The following FBN1 variants were observed in gnomAD, a reference collection of about 807,000 sequenced individuals.
FBN1 encodes the protein fibrillin-1.
In FBN1, 29 loss-of-function variants were observed where a neutral mutation model predicts 365.1. That is an observed-to-expected ratio of 0.08 (90% CI 0.06 to 0.11). FBN1 has a LOEUF of 0.11. FBN1 is among the 10% of genes least tolerant of loss of function. The probability of loss-of-function intolerance (pLI) is 1.00; values close to 1 mark genes in which losing one functional copy is unlikely to be tolerated. For missense variants in FBN1, 2,476 were observed against 3,703.2 expected (o/e 0.67, Z 8.60); for synonymous variants, 1,210 against 1,270.5 (o/e 0.95, Z 1.01).
In FBN1 at chr15:48,463,253, T is replaced by A. The variant is rs1167489368; in HGVS notation, c.5066-13A>T. The A allele has an allele frequency of 6.2e-7, 1 of 1,609,892 alleles. No homozygotes were observed. The highest frequency in any genetic ancestry group is 8.5e-7 in the Non-Finnish European group (1 of 1,177,032). ...CTTCTTCTCATATCTAGAAGGGAGGTAAAAAAAAGGATTGGAGGGTTGGTG... is the reference window on the plus strand; with the variant it reads ...CTTCTTCTCATATCTAGAAGGGAGGAAAAAAAAAGGATTGGAGGGTTGGTG... On this transcript the variant is annotated splice_polypyrimidine_tract_variant and intron_variant, in intron 41 of 65. Coordinates refer to ENST00000316623, the MANE Select transcript of FBN1 (RefSeq NM_000138.5).
intron 6 of FBN1, 128 bp from the exon 7 acceptor site, chr15:48,537,936 C>G (rs2044027712): frequency 3.1e-6 from 3 of 957,286 alleles, no homozygotes; most frequent in Non-Finnish European, 4.9e-6. Flanking sequence ...AATCATGCAT[C>G]ACTGTCCCTG....
At chr15:48,512,816 T>C (rs930964233) in intron 13 of FBN1, among the ~76,000 whole-genome samples, 2 of 152,140 alleles carry the variant, frequency 1.3e-5, no homozygotes, top group African/African-American at 4.8e-5. Context: ...ATTTTGTGCT[T>C]AATTTAGAGA....
intron 36 of FBN1, among the ~76,000 whole-genome samples, chr15:48,469,076 A>AT (rs2043346603): frequency 1.8e-5 from 2 of 109,776 alleles, no homozygotes; most frequent in South Asian, 2.9e-4. Flanking sequence ...TCAAAAAAAA[A>AT]AAAATATATA....
chr15:48,564,051 T>C (rs2044242685), intron 6 of FBN1, among the ~76,000 whole-genome samples: 1 of 152,170 alleles, frequency 6.6e-6, no homozygotes, highest in African/African-American at 2.4e-5. Context: ...TCCAAGCATC[T>C]GGATCCTTTT....
In FBN1 at chr15:48,513,631, A is replaced by T; in HGVS notation, c.1506T>A (p.Gly502=). 1.2e-6 allele frequency: 2 copies of T among 1,614,018 alleles called. No individual in the cohort carries two copies. Among genetic ancestry groups the T allele is most frequent in the South Asian group, 2.2e-5 (2 of 91,086 alleles). ...ACGAACCCTGGTTGTTAATACACTC[A>T]CCACCAGCACAGGGGTTTTTCTCAC... ...DECEKNPCAG[G]ECINNQGSYT... is the part of the protein sequence containing the mutation. Residue 502 remains glycine (G), a synonymous_variant, in exon 13 of 66, where the codon GGT becomes GGA. Coordinates refer to ENST00000316623, the MANE Select transcript of FBN1 (RefSeq NM_000138.5).
intron 30 of FBN1, among the ~76,000 whole-genome samples, chr15:48,484,225 T>C (rs1378349081): frequency 2.0e-5 from 3 of 152,234 alleles, no homozygotes; most frequent in Non-Finnish European, 4.4e-5. Flanking sequence ...TAATTTATCA[T>C]TCAAAAATTA....
chr15:48,529,653 C>G (rs1370149542), intron 8 of FBN1: 1 of 152,218 alleles, frequency 6.6e-6, no homozygotes, highest in Non-Finnish European at 1.5e-5. Context: ...AAAACTGTGG[C>G]AGCTGTTTAA....
chr15:48,578,050 A>G (rs142771457), intron 6 of FBN1, among the ~76,000 whole-genome samples: 2 of 152,330 alleles, frequency 1.3e-5, no homozygotes, highest in African/African-American at 4.8e-5. Flanking sequence ...CTACAAAAAA[A>G]AAATTGAAGA....
rs55681494 is a variant in FBN1 at position 48,463,522 on chromosome 15, T to C, written c.5066-282A>G. The stretch of plus-strand genomic sequence containing the variant: ...AAACTTTAAATGACTCTCTGCCCAG[T>C]CTCCTAGTAACAATTCCCTACTGCC... On this transcript the variant is annotated intron_variant, in intron 41 of 65. Coordinates refer to ENST00000316623, the MANE Select transcript of FBN1 (RefSeq NM_000138.5). Among the ~76,000 whole-genome samples, 7,197 of 152,304 alleles carry C rather than the reference T, an allele frequency of 0.047. 229 individuals are homozygous for C. The highest frequency in any genetic ancestry group is 0.095 in the Middle Eastern group (28 of 294).
intron 33 of FBN1, 38 bp from the exon 34 acceptor site, chr15:48,474,415 G>A (rs1470039577): frequency 6.2e-7 from 1 of 1,613,452 alleles, no homozygotes; most frequent in Non-Finnish European, 8.5e-7. Context: ...AACAGAAAGG[G>A]TGGTATTTAA....
At chr15:48,431,820 A>AT (rs1443010634) in intron 55 of FBN1, among the ~76,000 whole-genome samples, 1 of 151,508 alleles carries the variant, frequency 6.6e-6, no homozygotes, top group Non-Finnish European at 1.5e-5. Context: ...ACGCCAGCTA[A>AT]TTTTTTGTAT....
rs751169871 is a variant in FBN1 at position 48,534,166 on chromosome 15, C to T, written c.776G>A (p.Gly259Glu). 4.9e-5 allele frequency: 79 copies of T among 1,613,820 alleles called. No individual in the cohort carries two copies. Among genetic ancestry groups the T allele is most frequent in the Non-Finnish European group, 6.5e-5 (77 of 1,179,996 alleles). ...ECQAIPGLCQ[G>E]GNCINTVGSF... ...CCCAACAGTATTAATGCAATTTCCT[C>T]CCTGACAGAGCCCGGGGATGGCCTG... The change falls in exon 8 of 66, where the codon GGA becomes GAA. Residue 259 changes from glycine (G) to glutamate (E), a missense_variant. By Grantham distance (98) the Gly-to-Glu change is moderately conservative. Around this residue, in one of 5 missense-constraint regions of FBN1, gnomAD observed 421 missense variants for 520.1 expected, o/e 0.81. Transcript: ENST00000316623.
At chr15:48,442,787 C>T (rs963472247) in intron 49 of FBN1, among the ~76,000 whole-genome samples, 1 of 152,226 alleles carries the variant, frequency 6.6e-6, no homozygotes, top group Non-Finnish European at 1.5e-5. Flanking sequence ...ACTCACTTAT[C>T]TTTCCTCCTG....
chr15:48,460,732 T>C (rs2043274644), intron 42 of FBN1, among the ~76,000 whole-genome samples: 1 of 152,146 alleles, frequency 6.6e-6, no homozygotes, highest in Admixed American at 6.5e-5. Flanking sequence ...TAGGAGACCA[T>C]AGCAAATCTA....
intron 29 of FBN1, 147 bp from the exon 30 acceptor site, chr15:48,485,643 C>T: frequency 1.2e-6 from 1 of 850,716 alleles, no homozygotes. Flanking sequence ...GGGCTCTACC[C>T]TCATGGTGGG....
chr15:48,634,943 T>A (rs1890068112), intron 2 of FBN1, among the ~76,000 whole-genome samples: 2 of 144,242 alleles, frequency 1.4e-5, no homozygotes, highest in Admixed American at 1.4e-4. Flanking sequence ...TCTTTATTAA[T>A]AAAGATATTA....
chr15:48,434,255 G>C (rs2043046475), intron 54 of FBN1, among the ~76,000 whole-genome samples: 1 of 152,136 alleles, frequency 6.6e-6, no homozygotes, highest in South Asian at 2.1e-4. Context: ...GAAAAAGAAA[G>C]GGAGTATGAG....
At chr15:48,422,767 C>G (rs886128234) in intron 60 of FBN1, among the ~76,000 whole-genome samples, 6 of 152,102 alleles carry the variant, frequency 3.9e-5, no homozygotes, top group Admixed American at 3.9e-4. Context: ...TGAGACCAGC[C>G]TGGGCAACAT....
chr15:48,422,117 A>G, intron 60 of FBN1, 49 bp from the exon 61 acceptor site: 3 of 1,295,692 alleles, frequency 2.3e-6, no homozygotes, highest in African/African-American at 1.5e-5. Flanking sequence ...ACAAAACAGG[A>G]TCAGGGAAGC....
Sources: allele counts gnomAD v4.1 joint callset (sites outside exome capture counted in the v4.1 genomes callset), GRCh38; gene constraint gnomAD v4.1.1; regional missense constraint gnomAD v4.1.1; transcripts MANE v1.5; gene names NCBI Gene and HGNC (gene_info 2026-07-23, HGNC 2026-07-21).